Variants in DIP2C observed in about 807,000 individuals in gnomAD.
The protein encoded by DIP2C is disco-interacting protein 2 homolog C.
DIP2C carries 33 observed loss-of-function variants against 192.4 expected under a neutral mutation model. The observed-to-expected ratio is 0.17, with a 90% CI of 0.13 to 0.23. The LOEUF (loss-of-function observed/expected upper bound fraction) is 0.23. Ranked by LOEUF, DIP2C falls within the 10% of genes least tolerant of loss-of-function variation. The pLI, the probability that DIP2C is intolerant of heterozygous loss-of-function variation, is 1.00. For missense variants in DIP2C, 1,537 were observed against 2,110.1 expected, an observed-to-expected ratio of 0.73 and a Z score of 5.32; for synonymous variants, 979 against 864.1, an observed-to-expected ratio of 1.13 and a Z score of -2.33.
rs778687534 is a variant in DIP2C at position 362,634 on chromosome 10, T to C, written c.2650A>G (p.Thr884Ala). 4 of 1,613,984 alleles carry C rather than the reference T, an allele frequency of 2.5e-6. No individual in the cohort carries two copies. The highest frequency in any genetic ancestry group is 3.4e-6 in the Non-Finnish European group (4 of 1,179,988). The change falls in exon 22 of 37, where the codon ACC becomes GCC. Residue 884 changes from threonine (T) to alanine (A), a missense_variant. By Grantham distance (58) the Thr-to-Ala change is moderately conservative. This residue lies in a region of DIP2C where 677 missense variants were observed against 989.9 expected (regional missense o/e 0.68). Transcript: ENST00000280886. ...VYCLALVPAN[T>A]LPKTPLGGIH... ...CCACCAAGCGGGGTTTTGGGGAGGG[T>C]GTTTGCTGGCACCAAGGCCAGGCAA...
intron 1 of DIP2C, among the ~76,000 whole-genome samples, chr10:523,843 T>C (rs1846885266): frequency 6.6e-6 from 1 of 152,224 alleles, no homozygotes; most frequent in Non-Finnish European, 1.5e-5. Context: ...CACTTGTCGC[T>C]TTTACACATA....
intron 1 of DIP2C, among the ~76,000 whole-genome samples, chr10:653,308 C>T (rs1856069594): frequency 6.6e-6 from 1 of 151,948 alleles, no homozygotes; most frequent in African/African-American, 2.4e-5. Context: ...ATTAGCTGGG[C>T]ATGGTGGCGG....
intron 1 of DIP2C, among the ~76,000 whole-genome samples, chr10:532,510 G>C (rs1847428601): frequency 6.6e-6 from 1 of 151,634 alleles, no homozygotes; most frequent in African/African-American, 2.4e-5. Context: ...TTTAGAATTG[G>C]TATTTTGTGT....
rs76288894 is a variant in DIP2C, at chr10:501,689, G to A, written c.86-15159C>T. The stretch of plus-strand genomic sequence containing the variant: ...TCCAGACAGGCAAAAGGACTGGCAC[G>A]GAGAAACACAACTGAGTGAAATTAC... On this transcript the variant is annotated intron_variant, in intron 1 of 36. Coordinates refer to ENST00000280886, the MANE Select transcript of DIP2C (RefSeq NM_014974.3). 8.3e-3 allele frequency among the ~76,000 whole-genome samples: 1,259 copies of A among 152,182 alleles called. 17 individuals carry two copies. Among genetic ancestry groups the A allele is most frequent in the African/African-American group, 0.029 (1,208 of 41,532 alleles).
intron 25 of DIP2C, 139 bp downstream of exon 25, chr10:349,192 T>G (rs1958667168): frequency 1.6e-6 from 2 of 1,253,664 alleles, no homozygotes; most frequent in African/African-American, 3.0e-5. Flanking sequence ...ACGGGCTGGT[T>G]AGCATCCAGC....
intron 1 of DIP2C, among the ~76,000 whole-genome samples, chr10:526,530 CAAA>C (rs11298752): frequency 0.25 from 35,204 of 139,012 alleles, 5,246 homozygotes; most frequent in Non-Finnish European, 0.35. Context: ...CCTACCCCAC[CAAA>C]AAAAAAAAAA....
intron 1 of DIP2C, among the ~76,000 whole-genome samples, chr10:581,741 G>C (rs1850677791): frequency 6.6e-6 from 1 of 152,082 alleles, no homozygotes; most frequent in Non-Finnish European, 1.5e-5. Flanking sequence ...GTTCTACCCG[G>C]TTCTGCCCAG....
chr10:414,146 T>C (rs370220028), intron 7 of DIP2C, 36 bp from the exon 8 acceptor site: 3 of 1,584,332 alleles, frequency 1.9e-6, no homozygotes, highest in East Asian at 2.3e-5. Flanking sequence ...ACAAGAGAAA[T>C]GCATCCACAT....
At chr10:434,159 G>C (rs1046245274) in intron 4 of DIP2C, among the ~76,000 whole-genome samples, 11 of 152,120 alleles carry the variant, frequency 7.2e-5, no homozygotes, top group Admixed American at 2.0e-4. Context: ...ACATTTAACT[G>C]TGTGTATATG....
chr10:599,349 T>A (rs58489741), intron 1 of DIP2C, among the ~76,000 whole-genome samples: 31 of 152,180 alleles, frequency 2.0e-4, no homozygotes, highest in African/African-American at 7.2e-4. Flanking sequence ...CTATTATCCA[T>A]GAAATATTTA....
intron 8 of DIP2C, 128 bp downstream of exon 8, chr10:413,785 G>T: frequency 8.3e-7 from 1 of 1,208,356 alleles, no homozygotes; most frequent in Non-Finnish European, 1.1e-6. Flanking sequence ...CGAGGGCGTG[G>T]GCAAAGGGCA....
chr10:399,342 G>A (rs1185949814), intron 9 of DIP2C, 123 bp from the exon 10 acceptor site: 3 of 674,342 alleles, frequency 4.4e-6, no homozygotes, highest in South Asian at 1.8e-5. Context: ...TATGTAAAAT[G>A]CATTTCAGTA....
chr10:402,066 A>C (rs1236721148), intron 9 of DIP2C, among the ~76,000 whole-genome samples: 1 of 32,272 alleles, frequency 3.1e-5, no homozygotes, highest in African/African-American at 1.1e-4. Flanking sequence ...GAATCCTGTG[A>C]TTTTACATGT....
chr10:524,030 C>T (rs1032085173), intron 1 of DIP2C, among the ~76,000 whole-genome samples: 2 of 152,164 alleles, frequency 1.3e-5, no homozygotes, highest in African/African-American at 2.4e-5. Flanking sequence ...CCCAGGAGGC[C>T]GTGCAATGGC....
chr10:534,393 C>A (rs1847580616), intron 1 of DIP2C, among the ~76,000 whole-genome samples: 1 of 152,236 alleles, frequency 6.6e-6, no homozygotes, highest in Non-Finnish European at 1.5e-5. Flanking sequence ...CTGCTAGTCA[C>A]AGATGGCAAA....
At chr10:548,912 A>C (rs938243875) in intron 1 of DIP2C, among the ~76,000 whole-genome samples, 19 of 39,676 alleles carry the variant, frequency 4.8e-4, no homozygotes, top group Admixed American at 1.3e-3. Context: ...AGCAGCTCAC[A>C]AAAAAAAAAA....
At chr10:332,254 C>A (rs1589506731) in intron 29 of DIP2C, among the ~76,000 whole-genome samples, 1 of 152,160 alleles carries the variant, frequency 6.6e-6, no homozygotes, top group African/African-American at 2.4e-5. Context: ...GAAGTGGCTT[C>A]CTCAAAAATA....
chr10:387,522 A>G (rs1308329348), intron 14 of DIP2C, among the ~76,000 whole-genome samples: 4 of 119,224 alleles, frequency 3.4e-5, no homozygotes, highest in African/African-American at 9.8e-5. Flanking sequence ...GTGTGGACAG[A>G]CAGTGAGGGG....
At chr10:512,516 G>A (rs1352875837) in intron 1 of DIP2C, among the ~76,000 whole-genome samples, 7 of 152,216 alleles carry the variant, frequency 4.6e-5, no homozygotes, top group Non-Finnish European at 1.5e-5. Flanking sequence ...CCCAGGAGGT[G>A]AAGGCTGCAG....
Sources: allele counts gnomAD v4.1 joint callset (sites outside exome capture counted in the v4.1 genomes callset), GRCh38; gene constraint gnomAD v4.1.1; regional missense constraint gnomAD v4.1.1; transcripts MANE v1.5; gene names NCBI Gene and HGNC (gene_info 2026-07-23, HGNC 2026-07-21).